Variants in UNC13C observed in about 807,000 individuals in gnomAD.
UNC13C encodes protein unc-13 homolog C.
UNC13C carries 174 observed loss-of-function variants against 245.4 expected under a neutral mutation model. The ratio of observed to expected loss-of-function variants is 0.71; its 90% CI spans 0.63 to 0.80. The LOEUF (loss-of-function observed/expected upper bound fraction) is 0.80, where lower values mean the gene tolerates loss of function less well. Ranked by LOEUF, UNC13C falls within the 30% of genes least tolerant of loss-of-function variation. The pLI, the probability that UNC13C is intolerant of heterozygous loss-of-function variation, is 0.00. For synonymous variants in UNC13C, 992 were observed against 895.1 expected, an observed-to-expected ratio of 1.11 and a Z score of -1.93; for missense variants, 2,829 against 2,602.9, an observed-to-expected ratio of 1.09 and a Z score of -1.89.
chr15:54,014,341 T>C lies in UNC13C; in HGVS notation c.1438T>C (p.Ser480Pro), dbSNP rs777386819. Residue 480 changes from serine to proline, a missense_variant, in exon 2 of 33, where the codon TCC (serine) becomes CCC (proline). Coordinates refer to ENST00000260323, the MANE Select transcript of UNC13C (RefSeq NM_001080534.3). ...AGAGCTTCTAACAAAGGGAAGTACT[T>C]CCAAGCCAAGCTCAAAATCACACAG... is the stretch of plus-strand genomic sequence containing the variant. ...KSELLTKGST[S>P]KPSSKSHSAR... 3.1e-6 allele frequency: 5 copies of C among 1,613,698 alleles called. No individual in the cohort carries two copies. In the African/African-American group the frequency reaches 5.3e-5, roughly 17 times the overall value.
the UNC13C span, among the ~76,000 whole-genome samples, chr15:53,868,417 A>G: frequency 1.3e-5 from 2 of 152,168 alleles, no homozygotes; most frequent in African/African-American, 4.8e-5. Context: ...AATTCACTGG[A>G]GGATCTGTCC....
chr15:54,009,960 G>T (rs182509373), intron 1 of UNC13C, among the ~76,000 whole-genome samples: 1 of 152,212 alleles, frequency 6.6e-6, no homozygotes, highest in East Asian at 1.9e-4. Context: ...TCTACCTTCT[G>T]ATTGTATTTT....
chr15:54,321,943 T>G lies in UNC13C; in HGVS notation c.4273T>G (p.Phe1425Val). The G allele has an allele frequency of 6.4e-7, 1 of 1,569,448 alleles. No individual in the cohort carries two copies. The highest frequency in any genetic ancestry group is 8.6e-7 in the Non-Finnish European group (1 of 1,156,634). The change falls in exon 14 of 33, where the codon TTT becomes GTT. Residue 1425 changes from phenylalanine to valine, a missense_variant. Phe to Val is a conservative substitution (Grantham distance 50). Coordinates refer to ENST00000260323, the MANE Select transcript of UNC13C (RefSeq NM_001080534.3). ...TTTATGTTTTTTGTCTTTCAGGCAC[T>G]TTTCATGTCTGTCTTCTAAATACAT... ...IESIYQAMTH[F>V]SCLSSKYMCP...
At chr15:53,860,122 A>T in the UNC13C span, among the ~76,000 whole-genome samples, 1 of 152,312 alleles carries the variant, frequency 6.6e-6, no homozygotes, top group Non-Finnish European at 1.5e-5. Context: ...AATGACATTT[A>T]AAGTAAGAAT....
chr15:54,217,220 A>G (rs2035068975), intron 4 of UNC13C, among the ~76,000 whole-genome samples: 1 of 150,308 alleles, frequency 6.7e-6, no homozygotes, highest in Non-Finnish European at 1.5e-5. Flanking sequence ...AACTTGGTGG[A>G]GTCATCTGTG....
chr15:54,311,685 T>C (rs1449286177), intron 13 of UNC13C, among the ~76,000 whole-genome samples: 1 of 151,798 alleles, frequency 6.6e-6, no homozygotes, highest in Non-Finnish European at 1.5e-5. Context: ...TATTTTACAG[T>C]AATTTTATTA....
rs1897589788 is a variant in UNC13C, at chr15:54,567,938, A to T, written c.6097A>T (p.Thr2033Ser). Residue 2033 changes from threonine (T) to serine (S), a missense_variant, in exon 30 of 33, where the codon ACC (threonine) becomes TCC (serine). Physicochemically the swap from Thr to Ser is moderately conservative, Grantham distance 58 (BLOSUM62 1). Coordinates refer to ENST00000260323, the MANE Select transcript of UNC13C (RefSeq NM_001080534.3). ...ALIKKFIDTQTSQSRSSKDAV... is the reference protein window; with the variant it reads ...ALIKKFIDTQSSQSRSSKDAV... Reference sequence around the variant, plus strand: ...GATAAAGAAATTCATAGATACTCAAACCTCACAGAGTAAGTAACACATAGG... The same window carrying T: ...GATAAAGAAATTCATAGATACTCAATCCTCACAGAGTAAGTAACACATAGG... 1.9e-6 allele frequency: 3 copies of T among 1,569,964 alleles called. No homozygotes were observed. The highest frequency in any genetic ancestry group is 2.6e-6 in the Non-Finnish European group (3 of 1,156,196).
At chr15:54,212,882 A>G (rs377628726) in intron 4 of UNC13C, among the ~76,000 whole-genome samples, 6 of 152,206 alleles carry the variant, frequency 3.9e-5, no homozygotes, top group Admixed American at 1.3e-4. Flanking sequence ...AGGCATACCC[A>G]TTAGGAACAA....
At chr15:54,433,422 G>C (rs1206018289) in intron 19 of UNC13C, among the ~76,000 whole-genome samples, 1 of 152,020 alleles carries the variant, frequency 6.6e-6, no homozygotes, top group South Asian at 2.1e-4. Context: ...TGCAAGTCTG[G>C]TTCAACATAT....
At chr15:54,042,325 G>T (rs1325086773) in intron 2 of UNC13C, among the ~76,000 whole-genome samples, 1 of 152,142 alleles carries the variant, frequency 6.6e-6, no homozygotes, top group Non-Finnish European at 1.5e-5. Context: ...TTGAAAATGT[G>T]AGTCCGTAGG....
intron 17 of UNC13C, among the ~76,000 whole-genome samples, chr15:54,388,366 G>A (rs935332685): frequency 2.0e-5 from 3 of 152,038 alleles, no homozygotes; most frequent in Non-Finnish European, 2.9e-5. Context: ...ACTCATAATA[G>A]TCCAGCGTAG....
At chr15:54,070,661 T>A (rs1033838283) in intron 2 of UNC13C, among the ~76,000 whole-genome samples, 4 of 152,164 alleles carry the variant, frequency 2.6e-5, no homozygotes, top group African/African-American at 9.7e-5. Flanking sequence ...ACCATGCATG[T>A]TCATGTGACA....
chr15:54,177,856 A>G (rs1270303959), intron 4 of UNC13C, among the ~76,000 whole-genome samples: 1 of 152,124 alleles, frequency 6.6e-6, no homozygotes. Context: ...TCTATAACAG[A>G]TAAAATCCTG....
intron 17 of UNC13C, among the ~76,000 whole-genome samples, chr15:54,376,858 C>G (rs2039618324): frequency 6.6e-6 from 1 of 152,160 alleles, no homozygotes; most frequent in African/African-American, 2.4e-5. Flanking sequence ...CACCCAGAAC[C>G]TCAGAGTGTT....
intron 19 of UNC13C, among the ~76,000 whole-genome samples, chr15:54,468,481 GA>G (rs1892295211): frequency 6.6e-6 from 1 of 151,364 alleles, no homozygotes; most frequent in African/African-American, 2.4e-5. Context: ...TTTTGTTTTG[GA>G]TGTCTATGCT....
At chr15:54,605,201 C>T (rs1451554489) in intron 30 of UNC13C, among the ~76,000 whole-genome samples, 3 of 152,158 alleles carry the variant, frequency 2.0e-5, no homozygotes, top group Non-Finnish European at 4.4e-5. Flanking sequence ...CAATCAGCAA[C>T]CAATTTGTCT....
the UNC13C span, among the ~76,000 whole-genome samples, chr15:53,839,219 C>G: frequency 1.3e-5 from 2 of 151,928 alleles, no homozygotes; most frequent in Non-Finnish European, 2.9e-5. Flanking sequence ...TTCTTCCCAT[C>G]CCCCAATTAG....
chr15:54,038,124 A>ATATATATTTTTTTTTTTTTT lies in UNC13C; in HGVS notation c.2983+22239_2983+22240insATATATTTTTTTTTTTTTTT. Among the ~76,000 whole-genome samples the ATATATATTTTTTTTTTTTTT allele has an allele frequency of 1.8e-4, 8 of 45,028 alleles. No individual in the cohort carries two copies. The East Asian group carries it at 4.3e-3, about 24-fold the overall frequency. 29.5% of individuals were successfully genotyped at this position (45,028 alleles called of 152,430 possible). On this transcript the variant is annotated intron_variant, in intron 2 of 32. Coordinates refer to ENST00000260323, the MANE Select transcript of UNC13C (RefSeq NM_001080534.3). ...CATATATATATATATATATATATAT[A>ATATATATTTTTTTTTTTTTT]TTTTTTTTTTTTTTTTCCTGAGACA...
At chr15:54,631,762 T>C (rs879269526), downstream of UNC13C, 1 of 152,212 alleles carries the variant, frequency 6.6e-6, no homozygotes, top group Non-Finnish European at 1.5e-5. Flanking sequence ...ACACTTACCT[T>C]GTTTGGCAAT....
Sources: gnomAD v4.1 joint callset for allele counts (sites outside exome capture counted in the v4.1 genomes callset) on GRCh38, gnomAD v4.1.1 for gene constraint, MANE v1.5 for transcripts, NCBI Gene and HGNC (gene_info 2026-07-23, HGNC 2026-07-21) for gene names.